Variants in CLOCK observed in about 807,000 individuals in gnomAD.
The protein encoded by CLOCK is circadian locomoter output cycles protein kaput.
A neutral mutation model predicts 118.4 loss-of-function variants in CLOCK; 43 were observed. That is an observed-to-expected ratio of 0.36 (90% CI 0.28 to 0.47). The LOEUF (loss-of-function observed/expected upper bound fraction) is 0.47. CLOCK is among the 20% of genes least tolerant of loss of function. The pLI is 1.00. For missense variants in CLOCK, 846 were observed against 999.9 expected (o/e 0.85, Z 2.08); for synonymous variants, 326 against 339.2 (o/e 0.96, Z 0.43).
At chr4:55,498,664 C>G (rs1403953137) in intron 2 of CLOCK, among the ~76,000 whole-genome samples, 1 of 151,686 alleles carries the variant, frequency 6.6e-6, no homozygotes, top group Non-Finnish European at 1.5e-5. Flanking sequence ...CCTAAAATGA[C>G]AAGGTGTGGA....
At chr4:55,515,437 C>T (rs1317545271) in intron 1 of CLOCK, among the ~76,000 whole-genome samples, 4 of 152,130 alleles carry the variant, frequency 2.6e-5, no homozygotes. Context: ...TGCAGTGGCA[C>T]AATCTCGGCT....
intron 8 of CLOCK, among the ~76,000 whole-genome samples, chr4:55,464,773 G>A (rs992444261): frequency 2.2e-4 from 33 of 152,300 alleles, no homozygotes; most frequent in South Asian, 2.1e-3. Flanking sequence ...AGTAAGAATG[G>A]TGAGAGGGGA....
In CLOCK at chr4:55,453,259, C is replaced by A. The variant is rs138189462; in HGVS notation, c.1131-130G>T. ...GACTATTTGCTATGTGCTACACAAACCTAAAATATACCTATAATGTCTTAA... is the reference window on the plus strand; with the variant it reads ...GACTATTTGCTATGTGCTACACAAAACTAAAATATACCTATAATGTCTTAA... On this transcript the variant is annotated intron_variant, in intron 14 of 22. Coordinates refer to ENST00000513440, the MANE Select transcript of CLOCK (RefSeq NM_004898.4). 4.0e-4 allele frequency: 298 copies of A among 739,412 alleles called. 2 individuals carry two copies. The African/African-American group carries it at 4.7e-3, about 12-fold the overall frequency. 45.8% of individuals were successfully genotyped at this position (739,412 alleles called of 1,614,324 possible). A position where few individuals can be genotyped will look rare whatever the true frequency, so the allele number is the denominator to read the frequency against.
intron 1 of CLOCK, among the ~76,000 whole-genome samples, chr4:55,539,938 C>G (rs1268338687): frequency 6.6e-6 from 1 of 151,440 alleles, no homozygotes; most frequent in Non-Finnish European, 1.5e-5. Context: ...CAACAAAATG[C>G]AGGAAGCAGA....
At chr4:55,469,002 C>A (rs1432557496) in intron 8 of CLOCK, among the ~76,000 whole-genome samples, 1 of 152,042 alleles carries the variant, frequency 6.6e-6, no homozygotes, top group Non-Finnish European at 1.5e-5. Context: ...ACCTACTGTG[C>A]CACCAATCAT....
chr4:55,543,433 G>GCA (rs1731409733), intron 1 of CLOCK, among the ~76,000 whole-genome samples: 1 of 152,150 alleles, frequency 6.6e-6, no homozygotes, highest in Admixed American at 6.5e-5. Context: ...TTTCAAGGCT[G>GCA]AAAAGAACAT....
Position 55,443,865 on chromosome 4 carries a change from T to C in CLOCK, c.1724A>G (p.Asn575Ser). The change falls in exon 20 of 23, where the codon AAT (asparagine) becomes AGT (serine). Residue 575 changes from asparagine to serine, a missense_variant. Around this residue, in one of 4 missense-constraint regions of CLOCK, gnomAD observed 520 missense variants for 558.0 expected, o/e 0.93. Transcript: ENST00000513440. ...MFLQQSNPGL[N>S]FGSVQLSSGN... ...AGAAGAAAGTTGAACGGAACCAAAATTCAACCCAGGATTTGATTGTTGCAA... is the reference window on the plus strand; with the variant it reads ...AGAAGAAAGTTGAACGGAACCAAAACTCAACCCAGGATTTGATTGTTGCAA... 1 of 1,613,238 alleles carries C rather than the reference T, an allele frequency of 6.2e-7. No homozygotes were observed. Among genetic ancestry groups the C allele is most frequent in the Non-Finnish European group, 8.5e-7 (1 of 1,179,970 alleles).
At chr4:55,506,654 G>A (rs958412082) in intron 2 of CLOCK, among the ~76,000 whole-genome samples, 6 of 151,396 alleles carry the variant, frequency 4.0e-5, no homozygotes, top group Non-Finnish European at 7.4e-5. Flanking sequence ...TCTGCCTTCC[G>A]GGTTCCAGCA....
chr4:55,513,170 T>A (rs544963935), intron 1 of CLOCK, among the ~76,000 whole-genome samples: 2 of 152,276 alleles, frequency 1.3e-5, no homozygotes, highest in Non-Finnish European at 2.9e-5. Flanking sequence ...GTACTCTATA[T>A]AAAGTATACC....
intron 1 of CLOCK, among the ~76,000 whole-genome samples, chr4:55,536,820 C>T (rs930792567): frequency 6.6e-6 from 1 of 152,018 alleles, no homozygotes; most frequent in Admixed American, 6.6e-5. Flanking sequence ...GTAATGCTTA[C>T]TTAAGTTTTT....
chr4:55,438,215 C>G, intron 22 of CLOCK, 67 bp downstream of exon 22: 1 of 1,560,040 alleles, frequency 6.4e-7, no homozygotes, highest in South Asian at 1.1e-5. Flanking sequence ...AATCTGTTCA[C>G]TTAATGCTTA....
At chr4:55,468,051 A>C (rs1226152244) in intron 8 of CLOCK, among the ~76,000 whole-genome samples, 2 of 152,182 alleles carry the variant, frequency 1.3e-5, no homozygotes, top group Non-Finnish European at 2.9e-5. Flanking sequence ...GGAGAGAAAT[A>C]CCACTTTTCA....
intron 18 of CLOCK, among the ~76,000 whole-genome samples, chr4:55,446,368 T>C (rs991359619): frequency 1.3e-5 from 2 of 152,148 alleles, no homozygotes; most frequent in African/African-American, 4.8e-5. Context: ...ATTTAACTTC[T>C]TAGCTTCATT....
Position 55,475,699 on chromosome 4 carries a change from C to T in CLOCK, c.348+264G>A, listed in dbSNP as rs141963926. Among the ~76,000 whole-genome samples the T allele has an allele frequency of 2.4e-3, 366 of 152,266 alleles. 2 individuals carry two copies. The highest frequency in any genetic ancestry group is 8.7e-3 in the African/African-American group (362 of 41,556). On this transcript the variant is annotated intron_variant, in intron 7 of 22. Coordinates refer to ENST00000513440, the MANE Select transcript of CLOCK (RefSeq NM_004898.4). Reference sequence around the variant, plus strand: ...CAAAAAGATTAAGACTTGCTGAAGGCTCAGATGATTGTTAGCATTTTTTAG... The same window carrying T: ...CAAAAAGATTAAGACTTGCTGAAGGTTCAGATGATTGTTAGCATTTTTTAG...
intron 7 of CLOCK, among the ~76,000 whole-genome samples, chr4:55,472,671 AG>A (rs1219406072): frequency 1.3e-5 from 2 of 152,136 alleles, no homozygotes; most frequent in African/African-American, 4.8e-5. Context: ...GCTGGGAGTT[AG>A]AGTAACCTTT....
intron 1 of CLOCK, among the ~76,000 whole-genome samples, chr4:55,542,906 T>G (rs758675370): frequency 6.6e-6 from 1 of 152,120 alleles, no homozygotes; most frequent in African/African-American, 2.4e-5. Flanking sequence ...ACCCTAAAAC[T>G]TGGACTCTAA....
intron 2 of CLOCK, among the ~76,000 whole-genome samples, chr4:55,509,435 T>C (rs1311561616): frequency 3.9e-5 from 6 of 152,342 alleles, no homozygotes. Context: ...TCTTAGCTCA[T>C]GAGTCATACC....
chr4:55,433,243 A>C lies in CLOCK; in HGVS notation c.*2172T>G, dbSNP rs1722639444. 1 of 152,594 alleles carries C rather than the reference A, an allele frequency of 6.6e-6. No individual in the cohort carries two copies. Among genetic ancestry groups the C allele is most frequent in the South Asian group, 2.1e-4 (1 of 4,826 alleles). The allele number at this position is 152,594 out of a possible 1,614,324, so 9.5% of individuals were successfully genotyped here. On this transcript the variant is annotated 3_prime_UTR_variant, in exon 23 of 23. Transcript: ENST00000513440. ...GACAACTATTCTTGATATTCATGGG[A>C]ATGTGGGAAATCTCTACTGGATGGT...
chr4:55,459,240 C>G lies in CLOCK; in HGVS notation c.581G>C (p.Cys194Ser). The G allele has an allele frequency of 1.9e-6, 3 of 1,609,474 alleles. No individual in the cohort carries two copies. The highest frequency in any genetic ancestry group is 2.6e-6 in the Non-Finnish European group (3 of 1,175,988). ...TATTGTTCCTCGCAGCATGTGACAA[C>G]AGAATTCTAACTGATTTTTTGCTGA... ...YLKSKNQLEF[C>S]CHMLRGTIDP... is the part of the protein sequence containing the mutation. Residue 194 changes from cysteine (C) to serine (S), a missense_variant, in exon 10 of 23, where the codon TGT becomes TCT. By Grantham distance (112) the Cys-to-Ser change is moderately radical. Transcript: ENST00000513440.
Sources: allele counts gnomAD v4.1 joint callset (sites outside exome capture counted in the v4.1 genomes callset), GRCh38; gene constraint gnomAD v4.1.1; regional missense constraint gnomAD v4.1.1; transcripts MANE v1.5; gene names NCBI Gene and HGNC (gene_info 2026-07-23, HGNC 2026-07-21).